Variants in COL21A1 observed in about 807,000 individuals in gnomAD.
The protein encoded by COL21A1 is collagen alpha-1(XXI) chain.
COL21A1 carries 149 observed loss-of-function variants against 137.9 expected under a neutral mutation model. That is an observed-to-expected ratio of 1.08 (90% CI 0.95 to 1.24). The LOEUF is 1.24. Ranked by LOEUF, COL21A1 falls within the 50% of genes most tolerant of loss-of-function variation. The probability of loss-of-function intolerance (pLI) is 0.00; values close to 1 mark genes in which losing one functional copy is unlikely to be tolerated. For synonymous variants in COL21A1, 456 were observed against 391.5 expected (o/e 1.16, Z -1.95); for missense variants, 1,167 against 1,158.4 (o/e 1.01, Z -0.11).
chr6:56,375,706 C>T (rs1428448389), intron 1 of COL21A1, among the ~76,000 whole-genome samples: 4 of 152,168 alleles, frequency 2.6e-5, no homozygotes, highest in African/African-American at 2.4e-5. Flanking sequence ...GCCAGGACCA[C>T]GACTGATGCA....
chr6:56,339,029 T>C (rs1765403505), intron 1 of COL21A1, among the ~76,000 whole-genome samples: 1 of 152,212 alleles, frequency 6.6e-6, no homozygotes, highest in African/African-American at 2.4e-5. Context: ...TAGGAACTAC[T>C]CTGTAGCATG....
chr6:56,059,144 T>A (rs760144076), intron 29 of COL21A1, 21 bp downstream of exon 29: 36 of 1,589,820 alleles, frequency 2.3e-5, no homozygotes, highest in Non-Finnish European at 2.9e-5. Flanking sequence ...GTAACACTTA[T>A]GAGCAGGTAG....
At chr6:56,164,936 C>A in intron 7 of COL21A1, 114 bp from the exon 8 acceptor site, 1 of 752,776 alleles carries the variant, frequency 1.3e-6, no homozygotes, top group Non-Finnish European at 2.1e-6. Flanking sequence ...AGTATGAAAA[C>A]CAACAAAAAC....
chr6:56,371,339 T>C (rs1023705258), intron 1 of COL21A1, among the ~76,000 whole-genome samples: 1 of 152,192 alleles, frequency 6.6e-6, no homozygotes, highest in South Asian at 2.1e-4. Context: ...TTATGAGTTG[T>C]TTGGCTTCAG....
Position 56,060,945 on chromosome 6 carries a change from C to T in COL21A1, c.2298G>A (p.Lys766=). Residue 766 remains lysine (K), a synonymous_variant, in exon 26 of 30, where the codon AAG becomes AAA. Transcript: ENST00000244728. ...GAGGACCTGGATCCCCAGGTTGCCCCTTAGGACCTGCGGGCCCCATCAAGC... is the reference window on the plus strand; with the variant it reads ...GAGGACCTGGATCCCCAGGTTGCCCTTTAGGACCTGCGGGCCCCATCAAGC... ...VDGLMGPAGP[K]GQPGDPGPQG... is the part of the protein sequence containing the mutation. 1 of 1,606,838 alleles carries T rather than the reference C, an allele frequency of 6.2e-7. No individual in the cohort carries two copies. The highest frequency in any genetic ancestry group is 2.3e-5 in the East Asian group (1 of 44,150).
chr6:56,093,236 C>A (rs1769020707), intron 17 of COL21A1, among the ~76,000 whole-genome samples: 1 of 152,084 alleles, frequency 6.6e-6, no homozygotes, highest in South Asian at 2.1e-4. Flanking sequence ...TACCCTCTGG[C>A]CTTCAAAGAT....
chr6:56,328,958 T>G (rs7750835), intron 1 of COL21A1, among the ~76,000 whole-genome samples: 122,072 of 151,928 alleles, frequency 0.8, 50,724 homozygotes, highest in South Asian at 0.98. Flanking sequence ...GGAAGAGTCG[T>G]ATAGTTCAGA....
rs776601842 is a variant in COL21A1 at position 56,179,667 on chromosome 6, T to C, written c.551A>G (p.Asn184Ser). Residue 184 changes from asparagine (N) to serine (S), a missense_variant, in exon 3 of 30, where the codon AAC (asparagine) becomes AGC (serine). Asn to Ser is a conservative substitution (Grantham distance 46, BLOSUM62 1). Transcript: ENST00000244728. ...AAACACATAAGTAGACGAAGGCTTG[T>C]TGGCAATAGCTCTAAGTTCGGCATC... ...TEDAELRAIANKPSSTYVFYV... is the reference protein window; with the variant it reads ...TEDAELRAIASKPSSTYVFYV... The C allele has an allele frequency of 3.1e-6, 5 of 1,613,918 alleles. No homozygotes were observed. The highest frequency in any genetic ancestry group is 4.2e-6 in the Non-Finnish European group (5 of 1,179,840).
At chr6:56,358,707 C>G (rs1264025687) in intron 1 of COL21A1, among the ~76,000 whole-genome samples, 1 of 151,924 alleles carries the variant, frequency 6.6e-6, no homozygotes, top group Admixed American at 6.6e-5. Flanking sequence ...TGGAATTCTA[C>G]CAAACATGTC....
At chr6:56,183,950 A>G (rs572099840) in intron 1 of COL21A1, among the ~76,000 whole-genome samples, 91 of 152,342 alleles carry the variant, frequency 6.0e-4, no homozygotes, top group African/African-American at 2.2e-3. Flanking sequence ...GGAGGAAAAG[A>G]TAAGTAAACT....
chr6:56,345,966 C>T (rs16887812), intron 1 of COL21A1, among the ~76,000 whole-genome samples: 50,694 of 152,100 alleles, frequency 0.33, 8,631 homozygotes, highest in Middle Eastern at 0.39. Context: ...ATTCACTTTT[C>T]AACACTTGGC....
intron 1 of COL21A1, among the ~76,000 whole-genome samples, chr6:56,301,954 C>T (rs936544837): frequency 1.3e-5 from 2 of 152,008 alleles, no homozygotes; most frequent in African/African-American, 4.8e-5. Flanking sequence ...GTTCAATTCC[C>T]ACCTATGAGT....
chr6:56,188,112 T>C (rs1778416541), intron 1 of COL21A1, among the ~76,000 whole-genome samples: 1 of 152,094 alleles, frequency 6.6e-6, no homozygotes. Flanking sequence ...CCTACAAAAA[T>C]AGCTAAAATT....
chr6:56,323,540 C>T (rs541162539), intron 1 of COL21A1, among the ~76,000 whole-genome samples: 2 of 152,226 alleles, frequency 1.3e-5, no homozygotes, highest in East Asian at 1.9e-4. Context: ...CAGGTGCACA[C>T]CACTGTGCCC....
At chr6:56,179,280 A>G (rs1181897355) in intron 3 of COL21A1, among the ~76,000 whole-genome samples, 2 of 152,176 alleles carry the variant, frequency 1.3e-5, no homozygotes, top group East Asian at 1.9e-4. Context: ...TTTTTCTACA[A>G]TTTCTACAAT....
chr6:56,367,384 G>T (rs539075525), intron 1 of COL21A1, among the ~76,000 whole-genome samples: 3 of 152,282 alleles, frequency 2.0e-5, no homozygotes, highest in African/African-American at 4.8e-5. Flanking sequence ...CTGGGAGTGG[G>T]CAATTGGTTT....
At chr6:56,229,205 A>G (rs530470311) in intron 1 of COL21A1, among the ~76,000 whole-genome samples, 2 of 151,762 alleles carry the variant, frequency 1.3e-5, no homozygotes, top group South Asian at 4.2e-4. Context: ...ATACAGAGAA[A>G]CCCTGTCTCT....
At chr6:56,181,271 G>A (rs560202368) in intron 2 of COL21A1, among the ~76,000 whole-genome samples, 1 of 152,318 alleles carries the variant, frequency 6.6e-6, no homozygotes, top group East Asian at 1.9e-4. Context: ...AGGGACAGCA[G>A]AAATGGAGTT....
At chr6:56,377,269 G>A (rs1265889077) in intron 1 of COL21A1, among the ~76,000 whole-genome samples, 17 of 152,018 alleles carry the variant, frequency 1.1e-4, no homozygotes, top group Admixed American at 8.5e-4. Context: ...GATTACAGGC[G>A]TGAGCCACCG....
Sources: gnomAD v4.1 joint callset for allele counts (sites outside exome capture counted in the v4.1 genomes callset) on GRCh38, gnomAD v4.1.1 for gene constraint, MANE v1.5 for transcripts, NCBI Gene and HGNC (gene_info 2026-07-23, HGNC 2026-07-21) for gene names.